The following DENND2B variants were observed in gnomAD, a reference collection of about 807,000 sequenced individuals.
DENND2B encodes the protein DENN domain containing 2B, also known as DENN domain-containing protein 2B.
Under a neutral mutation model 116.0 loss-of-function variants are expected in DENND2B, and 32 were observed. The ratio of observed to expected loss-of-function variants is 0.28; its 90% CI spans 0.21 to 0.37. The LOEUF (loss-of-function observed/expected upper bound fraction) is 0.37, where lower values mean the gene tolerates loss of function less well. Among genes scored for constraint, DENND2B ranks in the 10% least tolerant of loss-of-function variants. The probability of loss-of-function intolerance (pLI) is 1.00; values close to 1 mark genes in which losing one functional copy is unlikely to be tolerated. For synonymous variants in DENND2B, 588 were observed against 583.9 expected (o/e 1.01, Z -0.10); for missense variants, 1,276 against 1,477.7 (o/e 0.86, Z 2.24).
chr11:8,739,993 C>T (rs1432019628), intron 2 of DENND2B, among the ~76,000 whole-genome samples: 2 of 151,810 alleles, frequency 1.3e-5, no homozygotes, highest in African/African-American at 4.8e-5. Flanking sequence ...GGAGACCAGC[C>T]TAGGCAACAT....
At chr11:8,888,889 A>T (rs919748870) in intron 1 of DENND2B, among the ~76,000 whole-genome samples, 4 of 152,328 alleles carry the variant, frequency 2.6e-5, no homozygotes, top group African/African-American at 9.6e-5. Context: ...ACCTATTAGG[A>T]TGGCTACCAT....
intron 19 of DENND2B, among the ~76,000 whole-genome samples, chr11:8,695,003 G>A (rs1464750947): frequency 3.3e-5 from 5 of 152,074 alleles, no homozygotes; most frequent in East Asian, 1.9e-4. Context: ...TTGAGGCTGC[G>A]GTGAGCTAGG....
At position 8,711,184 on chromosome 11, in the gene DENND2B, T is replaced by G. The variant is rs866363452; in HGVS notation, c.2220A>C (p.Lys740Asn). The change falls in exon 10 of 20, where the codon AAA becomes AAC. Residue 740 changes from lysine to asparagine, a missense_variant. By Grantham distance (94) the Lys-to-Asn change is moderately conservative. Around this residue, in one of 2 missense-constraint regions of DENND2B, gnomAD observed 420 missense variants for 631.1 expected, o/e 0.67. Coordinates refer to ENST00000313726, the MANE Select transcript of DENND2B (RefSeq NM_213618.2). ...KQMREAEERLKAIPQFCFPDA... is the reference protein window; with the variant it reads ...KQMREAEERLNAIPQFCFPDA... ...CAGGGAAGCAAAACTGGGGAATGGC[T>G]TTGAGCCTTTCCTCTGCCTCTCGCA... The G allele has an allele frequency of 6.2e-7, 1 of 1,614,100 alleles. No individual in the cohort carries two copies.
upstream of DENND2B, among the ~76,000 whole-genome samples, chr11:8,813,812 G>A (rs1337759851): frequency 6.6e-6 from 1 of 152,098 alleles, no homozygotes; most frequent in Non-Finnish European, 1.5e-5. Flanking sequence ...CTTGTCCTGG[G>A]GGAAGGGACA....
At chr11:8,789,706 T>C (rs934221548) in intron 1 of DENND2B, among the ~76,000 whole-genome samples, 3 of 152,102 alleles carry the variant, frequency 2.0e-5, no homozygotes, top group Non-Finnish European at 4.4e-5. Flanking sequence ...AGTGAATTCA[T>C]GTTAAGAAAT....
At chr11:8,817,988 G>A (rs561858460) in intron 4 of DENND2B, among the ~76,000 whole-genome samples, 9 of 151,404 alleles carry the variant, frequency 5.9e-5, no homozygotes, top group Non-Finnish European at 7.4e-5. Context: ...CTGGCCGGGC[G>A]TGGTGGCTCA....
At chr11:8,719,565 G>C (rs2133856737) in intron 4 of DENND2B, among the ~76,000 whole-genome samples, 1 of 152,318 alleles carries the variant, frequency 6.6e-6, no homozygotes, top group East Asian at 1.9e-4. Flanking sequence ...AGCTGGCCCA[G>C]CAGCCCTGTC....
chr11:8,889,383 T>C (rs528665242), intron 1 of DENND2B, among the ~76,000 whole-genome samples: 1 of 152,174 alleles, frequency 6.6e-6, no homozygotes, highest in African/African-American at 2.4e-5. Flanking sequence ...ATGGGGCTTG[T>C]CAGACAGTGG....
intron 1 of DENND2B, among the ~76,000 whole-genome samples, chr11:8,894,218 C>T (rs2064070639): frequency 1.3e-5 from 2 of 152,122 alleles, no homozygotes; most frequent in South Asian, 4.1e-4. Flanking sequence ...AAACTGGATC[C>T]CTTCCTTACA....
At chr11:8,729,861 G>A (rs2047794697) in intron 3 of DENND2B, 89 bp downstream of exon 3, 1 of 1,516,072 alleles carries the variant, frequency 6.6e-7, no homozygotes, top group Non-Finnish European at 8.9e-7. Context: ...ACTAATGACT[G>A]CGACCCATCC....
intron 3 of DENND2B, among the ~76,000 whole-genome samples, chr11:8,854,489 A>C (rs148695523): frequency 0.014 from 2,157 of 152,290 alleles, 20 homozygotes; most frequent in Non-Finnish European, 0.022. Flanking sequence ...GACATGAGCC[A>C]CAGTGCCTGG....
chr11:8,809,163 C>G (rs2061155386), intron 1 of DENND2B: 1 of 152,216 alleles, frequency 6.6e-6, no homozygotes, highest in Non-Finnish European at 1.5e-5. Flanking sequence ...AGTGGACCGT[C>G]TGAGGTCCAG....
chr11:8,761,432 G>T (rs893363333), intron 1 of DENND2B, among the ~76,000 whole-genome samples: 1 of 152,168 alleles, frequency 6.6e-6, no homozygotes, highest in Non-Finnish European at 1.5e-5. Flanking sequence ...CTGGCAAGGA[G>T]AACATGGTGG....
intron 3 of DENND2B, among the ~76,000 whole-genome samples, chr11:8,840,540 C>T (rs2062589122): frequency 6.6e-6 from 1 of 152,146 alleles, no homozygotes; most frequent in African/African-American, 2.4e-5. Context: ...AACAATGGGG[C>T]CTTTGTCTGT....
At chr11:8,787,606 T>C (rs779629683) in intron 1 of DENND2B, among the ~76,000 whole-genome samples, 2 of 152,196 alleles carry the variant, frequency 1.3e-5, no homozygotes, top group South Asian at 2.1e-4. Flanking sequence ...TGTCGGTCAG[T>C]CACTCCCTTA....
intron 4 of DENND2B, among the ~76,000 whole-genome samples, chr11:8,822,385 G>C (rs987093816): frequency 6.6e-6 from 1 of 152,098 alleles, no homozygotes; most frequent in Non-Finnish European, 1.5e-5. Flanking sequence ...TTACTCTCTT[G>C]GCAAATTTCA....
rs2047914350 is a variant in DENND2B, at chr11:8,730,365, T to C, written c.925A>G (p.Ser309Gly). The C allele has an allele frequency of 1.2e-6, 2 of 1,603,936 alleles. No homozygotes were observed. Among genetic ancestry groups the C allele is most frequent in the South Asian group, 1.1e-5 (1 of 90,990 alleles). ...GTCTTCCTTTTCCCCCGGTCCACGC[T>C]GTAGCAGCTGCTGGGGAGCTGGGGG... ...GLPQLPSSCYSVDRGKRKTGT... is the reference protein window; with the variant it reads ...GLPQLPSSCYGVDRGKRKTGT... Residue 309 changes from serine to glycine, a missense_variant, in exon 3 of 20, where the codon AGC becomes GGC. Physicochemically the swap from Ser to Gly is moderately conservative, Grantham distance 56 (BLOSUM62 0). This residue lies in a region of DENND2B where 856 missense variants were observed against 846.6 expected (regional missense o/e 1.01). Transcript: ENST00000313726. The surrounding 1 kb of genome is among the most constrained non-coding windows in gnomAD (Gnocchi z 4.1).
At chr11:8,811,229 A>G, upstream of DENND2B, 1 of 398,592 alleles carries the variant, frequency 2.5e-6, no homozygotes, top group Admixed American at 4.4e-5. Flanking sequence ...GCTCGCCTGG[A>G]CTGGCCTCTC....
At chr11:8,903,889 C>CAAAAAAA (rs61317026) in intron 1 of DENND2B, among the ~76,000 whole-genome samples, 39 of 75,344 alleles carry the variant, frequency 5.2e-4, no homozygotes, top group East Asian at 3.4e-3. Context: ...GACCTTGTCT[C>CAAAAAAA]AAAAAAAAAA....
Sources: gnomAD v4.1 joint callset for allele counts (sites outside exome capture counted in the v4.1 genomes callset) on GRCh38, gnomAD v4.1.1 for gene constraint, gnomAD v4.1.1 regional missense constraint, Gnocchi (gnomAD v3.1) non-coding constraint, MANE v1.5 for transcripts, NCBI Gene and HGNC (gene_info 2026-07-23, HGNC 2026-07-21) for gene names.